DNAH3: variants seen among roughly 807,000 people sequenced by gnomAD.
DNAH3 encodes dynein axonemal heavy chain 3.
In DNAH3, 332 loss-of-function variants were observed where a neutral mutation model predicts 432.5. The observed-to-expected ratio is 0.77, with a 90% CI of 0.70 to 0.84. The LOEUF (loss-of-function observed/expected upper bound fraction) is 0.84, where lower values mean the gene tolerates loss of function less well. Among genes scored for constraint, DNAH3 ranks in the 40% least tolerant of loss-of-function variants. The pLI is 0.00. For synonymous variants in DNAH3, 1,956 were observed against 1,900.2 expected (o/e 1.03, Z -0.76); for missense variants, 4,861 against 5,114.0 (o/e 0.95, Z 1.51).
chr16:21,068,794 A>G (rs562894716), intron 23 of DNAH3, among the ~76,000 whole-genome samples: 59 of 152,354 alleles, frequency 3.9e-4, no homozygotes, highest in Middle Eastern at 3.4e-3. Flanking sequence ...CTGTTATTGC[A>G]TTATCCTGTA....
At chr16:21,125,732 G>A (rs928184148) in intron 8 of DNAH3, among the ~76,000 whole-genome samples, 4 of 152,160 alleles carry the variant, frequency 2.6e-5, no homozygotes, top group African/African-American at 9.7e-5. Flanking sequence ...CAGATGCCTG[G>A]TCTCTGATTC....
At chr16:21,147,665 G>A (rs1384021842) in intron 1 of DNAH3, among the ~76,000 whole-genome samples, 1 of 152,202 alleles carries the variant, frequency 6.6e-6, no homozygotes, top group East Asian at 1.9e-4. Flanking sequence ...TGGGTGTTGA[G>A]TACTCCATTC....
intron 54 of DNAH3, 30 bp downstream of exon 54, chr16:20,959,148 CA>C: frequency 6.2e-7 from 1 of 1,605,938 alleles, no homozygotes; most frequent in South Asian, 1.1e-5. Flanking sequence ...GGTTGGGTCC[CA>C]GAGAAGGCAG....
At chr16:20,954,222 CAAA>C (rs11300288) in intron 55 of DNAH3, among the ~76,000 whole-genome samples, 58 of 116,566 alleles carry the variant, frequency 5.0e-4, no homozygotes, top group East Asian at 5.6e-4. Flanking sequence ...GACCCTATCT[CAAA>C]AAAAAAAAAA....
chr16:21,037,891 T>C (rs752937660), exon 34 of DNAH3: 10 of 1,614,170 alleles, frequency 6.2e-6, no homozygotes, highest in Non-Finnish European at 7.6e-6. Flanking sequence ...AAGCACAGAC[T>C]TGACAGCGCG....
chr16:21,018,894 C>A (rs1597151737), intron 41 of DNAH3, among the ~76,000 whole-genome samples: 3 of 148,004 alleles, frequency 2.0e-5, no homozygotes, highest in African/African-American at 2.5e-5. Flanking sequence ...CACTCTATCT[C>A]AAAAAAAAAA....
chr16:21,077,059 G>A (rs2091000382), intron 20 of DNAH3, among the ~76,000 whole-genome samples: 1 of 152,130 alleles, frequency 6.6e-6, no homozygotes, highest in South Asian at 2.1e-4. Context: ...GTCCCTTAAG[G>A]GTGGGAAATG....
At chr16:21,126,396 T>A (rs928416593) in intron 8 of DNAH3, among the ~76,000 whole-genome samples, 1 of 152,178 alleles carries the variant, frequency 6.6e-6, no homozygotes, top group Non-Finnish European at 1.5e-5. Flanking sequence ...GTGCCAATGA[T>A]AGCATCTACA....
At chr16:21,056,929 A>G (rs1451719394) in intron 27 of DNAH3, among the ~76,000 whole-genome samples, 1 of 152,230 alleles carries the variant, frequency 6.6e-6, no homozygotes, top group East Asian at 1.9e-4. Flanking sequence ...ATTTATCAAT[A>G]TGGAATCTGT....
At position 21,127,688 on chromosome 16, in the gene DNAH3, T is replaced by G. The variant is rs1299441794; in HGVS notation, c.1207A>C (p.Lys403Gln). Reference sequence around the variant, plus strand: ...CCCACTTGGAGGGCAGATACTGACTTGTTGAGAAGAGTCTGGTGTGCCTCC... The same window carrying G: ...CCCACTTGGAGGGCAGATACTGACTGGTTGAGAAGAGTCTGGTGTGCCTCC... The change falls in exon 8 of 62, where the codon AAG (lysine) becomes CAG (glutamine). Residue 403 changes from lysine (K) to glutamine (Q), a missense_variant and splice_region_variant. By Grantham distance (53) the Lys-to-Gln change is moderately conservative. Coordinates refer to ENST00000261383, the Ensembl canonical transcript of DNAH3. The G allele has an allele frequency of 1.2e-6, 2 of 1,613,998 alleles. No homozygotes were observed. Among genetic ancestry groups the G allele is most frequent in the African/African-American group, 2.7e-5 (2 of 75,026 alleles).
At chr16:21,150,723 C>G in intron 1 of DNAH3, 28 bp downstream of exon 1, 1 of 164,868 alleles carries the variant, frequency 6.1e-6, no homozygotes, top group Admixed American at 5.8e-5. Context: ...CAGAGTTACA[C>G]ATTAATACAG....
chr16:21,057,269 AAAAC>A (rs1203314074), intron 27 of DNAH3, among the ~76,000 whole-genome samples: 1 of 152,178 alleles, frequency 6.6e-6, no homozygotes, highest in Non-Finnish European at 1.5e-5. Flanking sequence ...AAAAAGTTTA[AAAAC>A]AAACAAACAA....
chr16:21,146,932 A>T (rs1315742087), intron 1 of DNAH3, among the ~76,000 whole-genome samples: 1 of 151,534 alleles, frequency 6.6e-6, no homozygotes, highest in African/African-American at 2.4e-5. Flanking sequence ...AGCTAATTTT[A>T]TATTTTTAGT....
At chr16:21,149,335 T>G (rs577123292) in intron 1 of DNAH3, among the ~76,000 whole-genome samples, 3 of 152,222 alleles carry the variant, frequency 2.0e-5, no homozygotes, top group South Asian at 2.1e-4. Flanking sequence ...GCTTAGTTAT[T>G]ATCTACAAAT....
intron 31 of DNAH3, among the ~76,000 whole-genome samples, chr16:21,042,560 T>A (rs1158111190): frequency 1.3e-5 from 2 of 152,226 alleles, no homozygotes; most frequent in Non-Finnish European, 2.9e-5. Flanking sequence ...TACACTCTTT[T>A]GTGATGCATC....
chr16:20,998,175 T>C (rs2086846821), intron 43 of DNAH3, among the ~76,000 whole-genome samples: 1 of 152,230 alleles, frequency 6.6e-6, no homozygotes, highest in African/African-American at 2.4e-5. Context: ...GTATTTAATT[T>C]GACCAGCAGG....
chr16:20,989,911 G>A (rs533560080), intron 44 of DNAH3, among the ~76,000 whole-genome samples: 1,545 of 152,328 alleles, frequency 0.01, 30 homozygotes, highest in African/African-American at 0.034. Context: ...GCCCGGGGCC[G>A]GCAGGGCCGG....
exon 11 of DNAH3, chr16:21,120,741 T>C: frequency 2.5e-6 from 4 of 1,610,876 alleles, no homozygotes; most frequent in South Asian, 1.1e-5. Flanking sequence ...CCCTGGTACC[T>C]GCCATTGCAG....
rs200267332 is a variant in DNAH3, at chr16:20,948,508, T to C, written c.11318A>G (p.Tyr3773Cys). ...CTGGTAGGAGCCATGAGGAGGGATGTAGTAAGTGTCTCCAGGAGCGAGGGA... is the reference window on the plus strand; with the variant it reads ...CTGGTAGGAGCCATGAGGAGGGATGCAGTAAGTGTCTCCAGGAGCGAGGGA... Residue 3773 changes from tyrosine (Y) to cysteine (C), a missense_variant, in exon 57 of 62, where the codon TAC becomes TGC. Tyr to Cys is a radical substitution (Grantham distance 194, BLOSUM62 -2). Transcript: ENST00000261383. The C allele has an allele frequency of 2.3e-3, 3,697 of 1,613,870 alleles. 105 individuals carry two copies. The South Asian group carries it at 0.038, about 17-fold the overall frequency.
Sources: gnomAD v4.1 joint callset for allele counts (sites outside exome capture counted in the v4.1 genomes callset) on GRCh38, gnomAD v4.1.1 for gene constraint, MANE v1.5 for transcripts, NCBI Gene and HGNC (gene_info 2026-07-23, HGNC 2026-07-21) for gene names.